Variants in PIK3C2G observed in about 807,000 individuals in gnomAD.
PIK3C2G encodes phosphatidylinositol-4-phosphate 3-kinase catalytic subunit type 2 gamma, also known as phosphatidylinositol 3-kinase C2 domain-containing subunit gamma.
In PIK3C2G, 168 loss-of-function variants were observed where a neutral mutation model predicts 181.1. The ratio of observed to expected loss-of-function variants is 0.93; its 90% CI spans 0.82 to 1.05. PIK3C2G has a LOEUF of 1.05. PIK3C2G is among the 50% of genes least tolerant of loss of function. The probability of loss-of-function intolerance (pLI) is 0.00; values close to 1 mark genes in which losing one functional copy is unlikely to be tolerated. For missense variants in PIK3C2G, 1,869 were observed against 1,732.8 expected (o/e 1.08, Z -1.40); for synonymous variants, 573 against 592.2 (o/e 0.97, Z 0.47).
intron 32 of PIK3C2G, among the ~76,000 whole-genome samples, chr12:18,646,688 G>A (rs1333249257): frequency 6.6e-6 from 1 of 152,084 alleles, no homozygotes; most frequent in East Asian, 1.9e-4. Context: ...GTAAAAAGCA[G>A]GCAAGTTTGT....
upstream of PIK3C2G, among the ~76,000 whole-genome samples, chr12:18,244,068 G>A (rs183415825): frequency 1.8e-4 from 28 of 151,990 alleles, no homozygotes; most frequent in East Asian, 4.1e-3. Flanking sequence ...TATTACATGA[G>A]TATAGCATAA....
chr12:18,318,140 A>G (rs962584193), intron 6 of PIK3C2G, among the ~76,000 whole-genome samples: 15 of 152,236 alleles, frequency 9.9e-5, no homozygotes, highest in Admixed American at 1.3e-4. Flanking sequence ...ACACTGCAGT[A>G]TCATGACTTT....
At chr12:18,497,835 C>T (rs1158589606) in intron 22 of PIK3C2G, 87 bp downstream of exon 22, 15 of 974,036 alleles carry the variant, frequency 1.5e-5, no homozygotes, top group African/African-American at 3.3e-5. Flanking sequence ...CTCCAGCTTT[C>T]GTTTTAAACT....
At chr12:18,507,481 T>C (rs1043076122) in intron 24 of PIK3C2G, among the ~76,000 whole-genome samples, 5 of 152,280 alleles carry the variant, frequency 3.3e-5, no homozygotes, top group Admixed American at 2.6e-4. Flanking sequence ...ATGATTATTA[T>C]AAAATGTTAT....
chr12:18,673,543 C>T, the PIK3C2G span, among the ~76,000 whole-genome samples: 1 of 152,078 alleles, frequency 6.6e-6, no homozygotes, highest in Non-Finnish European at 1.5e-5. Context: ...CCTTTATCTC[C>T]CCACAAAGAA....
chr12:18,563,606 C>A (rs916352068), intron 28 of PIK3C2G, 108 bp downstream of exon 28: 6 of 969,290 alleles, frequency 6.2e-6, no homozygotes, highest in Non-Finnish European at 9.2e-6. Context: ...AGTATTCTGA[C>A]TCCAATGCCA....
At position 18,294,030 on chromosome 12, in the gene PIK3C2G, A is replaced by C; in HGVS notation, c.1034+15A>C. 8.1e-7 allele frequency: 1 copy of C among 1,232,746 alleles called. No homozygotes were observed. Among genetic ancestry groups the C allele is most frequent in the South Asian group, 1.3e-5 (1 of 79,688 alleles). The allele number at this position is 1,232,746 out of a possible 1,614,324, so 76.4% of individuals were successfully genotyped here. A position where few individuals can be genotyped will look rare whatever the true frequency, so the allele number is the denominator to read the frequency against. On this transcript the variant is annotated intron_variant, in intron 5 of 32. Coordinates refer to ENST00000538779, the MANE Select transcript of PIK3C2G (RefSeq NM_001288772.2). ...TTTTTACAAAAGTAAGTATTTTATG[A>C]AATTTTGGTTGTATTATAATCTGTA...
intron 12 of PIK3C2G, among the ~76,000 whole-genome samples, chr12:18,368,583 A>G (rs1183760553): frequency 6.6e-6 from 1 of 152,170 alleles, no homozygotes; most frequent in Non-Finnish European, 1.5e-5. Flanking sequence ...TTTATTCCCT[A>G]TCAGTTAAAA....
At chr12:18,501,331 G>A (rs192098535) in intron 22 of PIK3C2G, among the ~76,000 whole-genome samples, 44 of 152,206 alleles carry the variant, frequency 2.9e-4, no homozygotes, top group African/African-American at 1.1e-3. Context: ...GGGAGAATGG[G>A]GTACCTGCTA....
intron 23 of PIK3C2G, among the ~76,000 whole-genome samples, chr12:18,504,821 A>G (rs944664095): frequency 1.3e-5 from 2 of 152,248 alleles, no homozygotes; most frequent in Non-Finnish European, 2.9e-5. Flanking sequence ...AAAAATACAC[A>G]TAAAATGTTA....
At chr12:18,722,449 T>C in the PIK3C2G span, among the ~76,000 whole-genome samples, 1 of 152,078 alleles carries the variant, frequency 6.6e-6, no homozygotes, top group Non-Finnish European at 1.5e-5. Flanking sequence ...AGAAACTACA[T>C]TATCATGTGT....
chr12:18,724,421 T>C, the PIK3C2G span, among the ~76,000 whole-genome samples: 1 of 151,944 alleles, frequency 6.6e-6, no homozygotes, highest in Admixed American at 6.6e-5. Flanking sequence ...AACTGGGAAA[T>C]AGGAATTTCA....
chr12:18,699,572 C>A, the PIK3C2G span, among the ~76,000 whole-genome samples: 2 of 152,180 alleles, frequency 1.3e-5, no homozygotes, highest in East Asian at 3.9e-4. Context: ...ATCGGACATT[C>A]TCAATCAAAA....
At chr12:18,599,226 T>C (rs1413099751) in intron 30 of PIK3C2G, among the ~76,000 whole-genome samples, 1 of 152,122 alleles carries the variant, frequency 6.6e-6, no homozygotes, top group Non-Finnish European at 1.5e-5. Context: ...TTATTCACAA[T>C]AGCAAAGACT....
chr12:18,546,423 AT>A lies in PIK3C2G; in HGVS notation c.3585del (p.Phe1195LeufsTer5). The A allele has an allele frequency of 6.4e-7, 1 of 1,566,594 alleles. No individual in the cohort carries two copies. The highest frequency in any genetic ancestry group is 8.7e-7 in the Non-Finnish European group (1 of 1,143,706). Reference sequence around the variant, plus strand: ...GACACAGACCTGGAAGCAACAAGTCATTTTACCAAGTAAGATCACCTATGAA... The same window carrying A: ...GACACAGACCTGGAAGCAACAAGTCATTTACCAAGTAAGATCACCTATGAA... ...PQDTDLEATS[H>X]FTKKIKESLE... is the part of the protein sequence containing the mutation. On this transcript the variant is annotated frameshift_variant, in exon 26 of 33. Transcript: ENST00000538779. LOFTEE classifies it high-confidence loss of function.
chr12:18,698,745 C>T, the PIK3C2G span, among the ~76,000 whole-genome samples: 1 of 152,060 alleles, frequency 6.6e-6, no homozygotes, highest in Non-Finnish European at 1.5e-5. Flanking sequence ...GTGGTGTATC[C>T]ATCACCCCAA....
chr12:18,436,126 G>A (rs1204689117), intron 18 of PIK3C2G, among the ~76,000 whole-genome samples: 1 of 151,996 alleles, frequency 6.6e-6, no homozygotes, highest in Non-Finnish European at 1.5e-5. Flanking sequence ...CCACCTTTCT[G>A]CTGTGCCATC....
At chr12:18,687,383 A>T in the PIK3C2G span, among the ~76,000 whole-genome samples, 3 of 152,158 alleles carry the variant, frequency 2.0e-5, no homozygotes, top group Non-Finnish European at 4.4e-5. Context: ...CTTGAAGAAG[A>T]TTCCAGACTC....
intron 24 of PIK3C2G, among the ~76,000 whole-genome samples, chr12:18,516,828 CTGTCTT>C (rs1335263756): frequency 7.9e-5 from 12 of 151,808 alleles, no homozygotes; most frequent in African/African-American, 2.9e-4. Context: ...AATTGTTCCT[CTGTCTT>C]TGTCAAATTT....
Sources: gnomAD v4.1 joint callset for allele counts (sites outside exome capture counted in the v4.1 genomes callset) on GRCh38, gnomAD v4.1.1 for gene constraint, MANE v1.5 for transcripts, NCBI Gene and HGNC (gene_info 2026-07-23, HGNC 2026-07-21) for gene names.